NBPF20: variants seen among roughly 807,000 people sequenced by gnomAD.
The protein encoded by NBPF20 is NBPF family member NBPF20.
NBPF20 carries 90 observed loss-of-function variants against 68.1 expected under a neutral mutation model. The ratio of observed to expected loss-of-function variants is 1.32; its 90% confidence interval spans 1.11 to 1.58. The LOEUF (loss-of-function observed/expected upper bound fraction) is 1.58. Among genes scored for constraint, NBPF20 ranks in the 40% most tolerant of loss-of-function variants. The pLI is 0.00. For missense variants in NBPF20, 816 were observed against 601.2 expected (o/e 1.36, Z -3.74); for synonymous variants, 290 against 228.1 (o/e 1.27, Z -2.45).
At chr1:145,403,409 G>T (rs1182243372) in intron 2 of NBPF20, 91 bp from the exon 8 acceptor site, 3 of 947,860 alleles carry the variant, frequency 3.2e-6, no homozygotes, top group Non-Finnish European at 5.0e-6. Flanking sequence ...TCCATCCCAA[G>T]GACAAAACTC....
chr1:145,424,730 A>G, the NBPF20 span, among the ~76,000 whole-genome samples: 1 of 152,192 alleles, frequency 6.6e-6, no homozygotes, highest in African/African-American at 2.4e-5. Flanking sequence ...ACACAGGGAA[A>G]TCACAGCACC....
chr1:145,394,385 A>G (rs1455983795), intron 8 of NBPF20, among the ~76,000 whole-genome samples: 2 of 152,060 alleles, frequency 1.3e-5, no homozygotes, highest in Admixed American at 1.3e-4. Flanking sequence ...TTCTACACAG[A>G]AGCATCAGCT....
chr1:145,423,566 C>T, the NBPF20 span, among the ~76,000 whole-genome samples: 6 of 151,568 alleles, frequency 4.0e-5, no homozygotes, highest in South Asian at 2.1e-4. Context: ...GACACATATC[C>T]GGAAAAAAGT....
intron 3 of NBPF20, among the ~76,000 whole-genome samples, chr1:145,402,697 C>A (rs1571374118): frequency 6.7e-6 from 1 of 149,932 alleles, no homozygotes; most frequent in Non-Finnish European, 1.5e-5. Context: ...ATGGACATTT[C>A]CATGTGAAAA....
upstream of NBPF20, chr1:145,408,160 G>A (rs148279645): frequency 3.5e-3 from 730 of 210,968 alleles, 9 homozygotes; most frequent in Middle Eastern, 0.01. Context: ...CACCTTCAGC[G>A]TTCCCAGTAC....
upstream of NBPF20, among the ~76,000 whole-genome samples, chr1:145,408,844 A>G (rs1301090430): frequency 6.6e-6 from 1 of 151,948 alleles, no homozygotes; most frequent in Non-Finnish European, 1.5e-5. Context: ...AATCTCTATT[A>G]TGTTTTATTG....
intron 137 of NBPF20, among the ~76,000 whole-genome samples, chr1:145,292,000 G>A (rs191358806): frequency 6.7e-6 from 1 of 149,922 alleles, no homozygotes; most frequent in Admixed American, 6.6e-5. Flanking sequence ...GAGAGAGAAA[G>A]TGACCTAGTG....
chr1:145,398,277 C>T (rs1441372747), intron 7 of NBPF20, among the ~76,000 whole-genome samples: 2 of 151,606 alleles, frequency 1.3e-5, no homozygotes, highest in Non-Finnish European at 2.9e-5. Context: ...ACAGAATATA[C>T]ATTCTTCTCA....
At chr1:145,414,891 C>G in the NBPF20 span, among the ~76,000 whole-genome samples, 1 of 150,798 alleles carries the variant, frequency 6.6e-6, no homozygotes, top group Non-Finnish European at 1.5e-5. Context: ...TGGGTTGCCC[C>G]TCCACACCTG....
At chr1:145,395,185 C>A in intron 7 of NBPF20, 44 bp from the exon 13 acceptor site, 1 of 1,249,288 alleles carries the variant, frequency 8.0e-7, no homozygotes, top group Non-Finnish European at 1.2e-6. Flanking sequence ...ATTTAACCAA[C>A]AGACATTAGA....
chr1:145,396,673 C>T (rs1462146685), intron 7 of NBPF20, among the ~76,000 whole-genome samples: 3 of 150,708 alleles, frequency 2.0e-5, no homozygotes, highest in African/African-American at 7.3e-5. Flanking sequence ...ACCCTACAAG[C>T]CAGAAGAGAG....
chr1:145,291,484 C>T (rs1553657506), exon 138 of NBPF20: 6 of 1,611,966 alleles, frequency 3.7e-6, no homozygotes, highest in South Asian at 2.2e-5. Context: ...GCCTATAGGT[C>T]CTGCCTGCAG....
chr1:145,406,085 A>ATTTTTTTTTTTTT (rs587699811), upstream of NBPF20, among the ~76,000 whole-genome samples: 17 of 117,650 alleles, frequency 1.4e-4, no homozygotes, highest in South Asian at 2.7e-4. Flanking sequence ...CGCCCGGCTA[A>ATTTTTTTTTTTTT]TTTTTTTTTT....
At chr1:145,425,496 G>A in the NBPF20 span, among the ~76,000 whole-genome samples, 2 of 152,206 alleles carry the variant, frequency 1.3e-5, no homozygotes, top group African/African-American at 4.8e-5. Flanking sequence ...AGAAGCTCAC[G>A]CAGCCTCGCG....
chr1:145,292,389 T>A (rs1553658159), exon 137 of NBPF20: 1 of 682,180 alleles, frequency 1.5e-6, no homozygotes, highest in Non-Finnish European at 2.6e-6. Context: ...ACCTGGGGCA[T>A]GGTGGGTTTT....
At chr1:145,402,336 C>A in exon 4 of NBPF20, 3 of 1,603,762 alleles carry the variant, frequency 1.9e-6, no homozygotes, top group South Asian at 1.1e-5. Context: ...TCTCCCTTAA[C>A]TGGGTCAGCT....
chr1:145,314,311 T>TGAG (rs1661519672), intron 109 of NBPF20, among the ~76,000 whole-genome samples: 1 of 108,268 alleles, frequency 9.2e-6, no homozygotes, highest in African/African-American at 4.3e-5. Flanking sequence ...GACACACTGA[T>TGAG]GAGGGAGTAA....
At chr1:145,411,114 C>T in the NBPF20 span, among the ~76,000 whole-genome samples, 18 of 144,656 alleles carry the variant, frequency 1.2e-4, 1 homozygote, top group African/African-American at 4.0e-4. Context: ...TATAATATTG[C>T]TATTTTATTA....
the NBPF20 span, among the ~76,000 whole-genome samples, chr1:145,423,795 G>A: frequency 6.6e-6 from 1 of 152,032 alleles, no homozygotes; most frequent in Non-Finnish European, 1.5e-5. Context: ...GGGGTAACCA[G>A]AATATCCCTG....
Sources: allele counts gnomAD v4.1 joint callset (sites outside exome capture counted in the v4.1 genomes callset), GRCh38; gene constraint gnomAD v4.1.1; transcripts MANE v1.5; gene names NCBI Gene and HGNC (gene_info 2026-07-23, HGNC 2026-07-21).